Variants in FOXO3 observed in about 807,000 individuals in gnomAD.
FOXO3 encodes the protein forkhead box O3, also known as forkhead box protein O3.
In FOXO3, 4 loss-of-function variants were observed where a neutral mutation model predicts 41.9. That is an observed-to-expected ratio of 0.10 (90% CI 0.05 to 0.22). The LOEUF (loss-of-function observed/expected upper bound fraction) is 0.22, where lower values mean the gene tolerates loss of function less well. Ranked by LOEUF, FOXO3 falls within the 10% of genes least tolerant of loss-of-function variation. FOXO3 has a pLI of 1.00. For missense variants in FOXO3, 534 were observed against 906.8 expected (o/e 0.59, Z 5.28); for synonymous variants, 318 against 389.3 (o/e 0.82, Z 2.16).
chr6:108,607,177 C>T (rs72942514), intron 1 of FOXO3, among the ~76,000 whole-genome samples: 4,119 of 152,162 alleles, frequency 0.027, 89 homozygotes, highest in South Asian at 0.092. Flanking sequence ...TTCAGCTGGG[C>T]GCAGTGGCTC....
chr6:108,653,183 T>C (rs1418013673), intron 1 of FOXO3, among the ~76,000 whole-genome samples: 3 of 152,218 alleles, frequency 2.0e-5, no homozygotes, highest in Non-Finnish European at 4.4e-5. Context: ...AGGACATTCT[T>C]TGGTCTCAAT....
chr6:108,599,523 T>G (rs1384308253), intron 1 of FOXO3, among the ~76,000 whole-genome samples: 2 of 152,248 alleles, frequency 1.3e-5, no homozygotes, highest in Non-Finnish European at 2.9e-5. Context: ...TGGGGCTCAG[T>G]GAGAGGGTTG....
intron 2 of FOXO3, among the ~76,000 whole-genome samples, chr6:108,677,160 G>A (rs529091908): frequency 2.0e-5 from 3 of 152,312 alleles, no homozygotes; most frequent in Non-Finnish European, 2.9e-5. Flanking sequence ...GGACCTCAGC[G>A]GAAGCTGTAG....
intron 1 of FOXO3, among the ~76,000 whole-genome samples, chr6:108,576,416 A>G (rs758964607): frequency 6.6e-6 from 1 of 152,204 alleles, no homozygotes; most frequent in African/African-American, 2.4e-5. Context: ...GTTTATTCCA[A>G]TAGTCTCATA....
chr6:108,575,201 C>G (rs1177299440), intron 1 of FOXO3, among the ~76,000 whole-genome samples: 1 of 152,134 alleles, frequency 6.6e-6, no homozygotes, highest in Non-Finnish European at 1.5e-5. Context: ...AATCACAAAA[C>G]TACTTTTTTC....
chr6:108,574,067 G>A (rs990727352), intron 1 of FOXO3, among the ~76,000 whole-genome samples: 1 of 150,496 alleles, frequency 6.6e-6, no homozygotes, highest in Non-Finnish European at 1.5e-5. Context: ...GCAGAGAACT[G>A]CTTAAACCTG....
intron 1 of FOXO3, among the ~76,000 whole-genome samples, chr6:108,612,488 T>G (rs1015959087): frequency 4.6e-5 from 7 of 152,038 alleles, no homozygotes; most frequent in African/African-American, 1.7e-4. Context: ...GAGACCAGCC[T>G]GGCCAAGATG....
intron 1 of FOXO3, among the ~76,000 whole-genome samples, chr6:108,601,876 T>G (rs946760029): frequency 6.6e-6 from 1 of 152,226 alleles, no homozygotes; most frequent in African/African-American, 2.4e-5. Flanking sequence ...TACATTTTAT[T>G]TATTCACTCA....
At chr6:108,602,852 G>A (rs747102819) in intron 1 of FOXO3, among the ~76,000 whole-genome samples, 2 of 152,128 alleles carry the variant, frequency 1.3e-5, no homozygotes, top group Non-Finnish European at 2.9e-5. Flanking sequence ...GAACTGCTAA[G>A]ACAAGGTAGA....
At position 108,561,418 on chromosome 6, in the gene FOXO3, G is replaced by A; in HGVS notation, c.210G>A (p.Gly70=). 6.5e-7 allele frequency: 1 copy of A among 1,539,960 alleles called. No individual in the cohort carries two copies. Among genetic ancestry groups the A allele is most frequent in the Non-Finnish European group, 8.7e-7 (1 of 1,145,340 alleles). The change falls in exon 1 of 3, where the codon GGG becomes GGA. Residue 70 remains glycine, a synonymous_variant. Transcript: ENST00000406360. Reference sequence around the variant, plus strand: ...ACGATGAAGACGACGAGGACGGCGGGGGACGGGCCGGCTCGGCCATGGCGA... The same window carrying A: ...ACGATGAAGACGACGAGGACGGCGGAGGACGGGCCGGCTCGGCCATGGCGA... The part of the protein sequence containing the change: ...EEDDEDDEDG[G]GRAGSAMAIG...
chr6:108,560,720 C>T, upstream of FOXO3: 1 of 214,128 alleles, frequency 4.7e-6, no homozygotes, highest in African/African-American at 2.3e-5. Flanking sequence ...CGGGCTCTGA[C>T]CGCGGCTCGG....
chr6:108,659,110 C>T (rs578152562), intron 1 of FOXO3, among the ~76,000 whole-genome samples: 2 of 152,016 alleles, frequency 1.3e-5, no homozygotes, highest in East Asian at 1.9e-4. Flanking sequence ...GTCTTGAACT[C>T]CTGAGCTCAA....
intron 1 of FOXO3, among the ~76,000 whole-genome samples, chr6:108,562,602 C>T (rs576946714): frequency 1.3e-5 from 2 of 152,120 alleles, no homozygotes; most frequent in Admixed American, 1.3e-4. Context: ...GAGGGAAGGG[C>T]TCTGGTGTGG....
rs1178470141 is a variant in FOXO3 at position 108,677,903 on chromosome 6, A to G, written c.*35-1924A>G. On this transcript the variant is annotated intron_variant, in intron 2 of 2. Transcript: ENST00000406360. ...CCATTATTTTATAGTCCAAGGTAAT[A>G]TTATCTAGTAGCTTTACAAAGCAAA... 2.0e-5 allele frequency among the ~76,000 whole-genome samples: 3 copies of G among 152,124 alleles called. No homozygotes were observed. In the East Asian group the frequency reaches 5.8e-4, roughly 29 times the overall value.
chr6:108,664,153 G>C lies in FOXO3; in HGVS notation c.1320G>C (p.Leu440=). 6.2e-7 allele frequency: 1 copy of C among 1,613,878 alleles called. No individual in the cohort carries two copies. The highest frequency in any genetic ancestry group is 8.5e-7 in the Non-Finnish European group (1 of 1,179,960). ...FNSTVFGPSS[L]NSLRQSPMQT... ...GCACGGTGTTCGGACCTTCATCTCT[G>C]AACTCCCTACGCCAGTCTCCCATGC... is the stretch of plus-strand genomic sequence containing the variant. Residue 440 remains leucine, a synonymous_variant, in exon 2 of 3, where the codon CTG becomes CTC. Transcript: ENST00000406360.
At chr6:108,574,927 A>G (rs1473964504) in intron 1 of FOXO3, among the ~76,000 whole-genome samples, 1 of 152,210 alleles carries the variant, frequency 6.6e-6, no homozygotes, top group Non-Finnish European at 1.5e-5. Flanking sequence ...AAACTCTGTG[A>G]TAAACGTGAG....
intron 1 of FOXO3, among the ~76,000 whole-genome samples, chr6:108,635,664 A>G (rs1203686474): frequency 1.3e-5 from 2 of 152,198 alleles, no homozygotes; most frequent in African/African-American, 2.4e-5. Flanking sequence ...ATCCTGTCAT[A>G]GCATTGCACC....
intron 1 of FOXO3, among the ~76,000 whole-genome samples, chr6:108,660,873 A>C (rs907239684): frequency 3.3e-4 from 50 of 152,098 alleles, no homozygotes; most frequent in Non-Finnish European, 6.0e-4. Flanking sequence ...GCACTTTGCA[A>C]CAAGTAGAAA....
At chr6:108,568,309 G>A (rs909944891) in intron 1 of FOXO3, among the ~76,000 whole-genome samples, 1 of 150,538 alleles carries the variant, frequency 6.6e-6, no homozygotes, top group African/African-American at 2.5e-5. Flanking sequence ...TCTCAGTGCT[G>A]TTTGCCTCAA....
Sources: gnomAD v4.1 joint callset for allele counts (sites outside exome capture counted in the v4.1 genomes callset) on GRCh38, gnomAD v4.1.1 for gene constraint, MANE v1.5 for transcripts, NCBI Gene and HGNC (gene_info 2026-07-23, HGNC 2026-07-21) for gene names.